The following SEC63 variants were observed in gnomAD, a reference collection of about 807,000 sequenced individuals.
The protein encoded by SEC63 is translocation protein SEC63 homolog.
Under a neutral mutation model 116.2 loss-of-function variants are expected in SEC63, and 56 were observed. The observed-to-expected ratio is 0.48, with a 90% CI of 0.39 to 0.60. SEC63 has a LOEUF of 0.60. SEC63 is among the 20% of genes least tolerant of loss of function. SEC63 has a pLI of 0.00. For synonymous variants in SEC63, 273 were observed against 294.6 expected (o/e 0.93, Z 0.75); for missense variants, 668 against 900.0 (o/e 0.74, Z 3.30).
At chr6:107,889,410 T>C (rs557521196) in intron 16 of SEC63, among the ~76,000 whole-genome samples, 3 of 152,316 alleles carry the variant, frequency 2.0e-5, no homozygotes, top group South Asian at 2.1e-4. Context: ...TGATGGTAGT[T>C]TGTATTTCTG....
intron 14 of SEC63, among the ~76,000 whole-genome samples, chr6:107,894,158 C>G (rs1221229444): frequency 1.3e-5 from 2 of 152,134 alleles, no homozygotes; most frequent in African/African-American, 4.8e-5. Context: ...AGGATACATA[C>G]AGTAAAAATA....
At position 107,875,331 on chromosome 6, in the gene SEC63, G is replaced by T. The variant is rs1309490709; in HGVS notation, c.2034+1233C>A. On this transcript the variant is annotated intron_variant, in intron 19 of 20. Coordinates refer to ENST00000369002, the MANE Select transcript of SEC63 (RefSeq NM_007214.5). ...TAACAGCTAAATGTAAACAACTGGT[G>T]AATACGGGTGGGGATCTAGGGAGGT... Among the ~76,000 whole-genome samples the T allele has an allele frequency of 2.6e-5, 4 of 152,188 alleles. No individual in the cohort carries two copies. The South Asian group carries it at 8.3e-4, about 31-fold the overall frequency.
At chr6:107,953,582 C>G (rs1395604713) in intron 1 of SEC63, among the ~76,000 whole-genome samples, 1 of 147,258 alleles carries the variant, frequency 6.8e-6, no homozygotes, top group Admixed American at 6.7e-5. Context: ...GGGGGTCAGC[C>G]CCCCGCCCGG....
chr6:107,868,986 A>C lies in SEC63; in HGVS notation c.*2718T>G, dbSNP rs968429923. The C allele has an allele frequency of 6.6e-6, 1 of 152,212 alleles. No individual in the cohort carries two copies. Among genetic ancestry groups the C allele is most frequent in the Non-Finnish European group, 1.5e-5 (1 of 68,040 alleles). The allele number at this position is 152,212 out of a possible 1,614,324, so 9.4% of individuals were successfully genotyped here. On this transcript the variant is annotated 3_prime_UTR_variant, in exon 21 of 21. Transcript: ENST00000369002. ...ACTTGTGGTCAAAAATAACATGCCT[A>C]GAGAGCCTCATTATATCTCTCCCTC...
At chr6:107,894,396 G>A (rs899550141) in intron 14 of SEC63, among the ~76,000 whole-genome samples, 1 of 152,130 alleles carries the variant, frequency 6.6e-6, no homozygotes, top group Non-Finnish European at 1.5e-5. Context: ...ATCACAGGTG[G>A]AGCATGGTGG....
chr6:107,913,688 A>G (rs946609059), intron 4 of SEC63, among the ~76,000 whole-genome samples: 2 of 152,182 alleles, frequency 1.3e-5, no homozygotes, highest in African/African-American at 4.8e-5. Flanking sequence ...CTCATGTTCA[A>G]CCAGATGGTT....
At chr6:107,900,107 T>C (rs955338919) in intron 13 of SEC63, among the ~76,000 whole-genome samples, 4 of 152,126 alleles carry the variant, frequency 2.6e-5, no homozygotes, top group Non-Finnish European at 4.4e-5. Flanking sequence ...AAATAAATGG[T>C]ACAATGTCTG....
In SEC63 at chr6:107,955,882, CTAAATAAATAAA is replaced by C. The variant is rs150788370; in HGVS notation, c.124+1992_124+2003del. Reference sequence around the variant, plus strand: ...TGGGCAACAGAGTGAGACTCTGTCTCTAAATAAATAAATAAATAAATAAATAAATAAATAGTA... The same window carrying C: ...TGGGCAACAGAGTGAGACTCTGTCTCTAAATAAATAAATAAATAAATAGTA... On this transcript the variant is annotated intron_variant, in intron 1 of 20. Transcript: ENST00000369002. 4.7e-5 allele frequency: 10 copies of C among 214,690 alleles called. 1 individual carries two copies. The highest frequency in any genetic ancestry group is 5.9e-5 in the South Asian group (1 of 16,998). 13.3% of individuals were successfully genotyped at this position (214,690 alleles called of 1,614,324 possible). A position where few individuals can be genotyped will look rare whatever the true frequency, so the allele number is the denominator to read the frequency against.
rs1770752816 is a variant in SEC63, at chr6:107,958,138, C to G, written c.-129G>C. ...CCGCCGCCGCCTCTCCTCCCCGCCCCCACGCCACTCTCACGGACACGCCGC... is the reference window on the plus strand; with the variant it reads ...CCGCCGCCGCCTCTCCTCCCCGCCCGCACGCCACTCTCACGGACACGCCGC... On this transcript the variant is annotated 5_prime_UTR_variant, in exon 1 of 21. Transcript: ENST00000369002. The G allele has an allele frequency of 7.0e-7, 1 of 1,427,006 alleles. No homozygotes were observed. 88.4% of individuals were successfully genotyped at this position (1,427,006 alleles called of 1,614,324 possible).
At chr6:107,903,495 G>A (rs966150910) in intron 11 of SEC63, among the ~76,000 whole-genome samples, 2 of 152,094 alleles carry the variant, frequency 1.3e-5, no homozygotes, top group Admixed American at 1.3e-4. Flanking sequence ...AAAGCCAGGA[G>A]TTGGAAACCA....
Position 107,913,774 on chromosome 6 carries a change from T to C in SEC63, c.453-347A>G, listed in dbSNP as rs751376517. On this transcript the variant is annotated intron_variant, in intron 4 of 20. Transcript: ENST00000369002. Reference sequence around the variant, plus strand: ...CAGGGAGAATTGTAGGCGATTTTTTTCCCCTTATACTCTCATATATTTTCC... The same window carrying C: ...CAGGGAGAATTGTAGGCGATTTTTTCCCCCTTATACTCTCATATATTTTCC... Among the ~76,000 whole-genome samples, 311 of 152,308 alleles carry C rather than the reference T, an allele frequency of 2.0e-3. 2 individuals carry two copies. The highest frequency in any genetic ancestry group is 3.6e-3 in the Non-Finnish European group (245 of 68,024).
At chr6:107,904,034 C>G (rs1787075125) in intron 11 of SEC63, among the ~76,000 whole-genome samples, 1 of 150,856 alleles carries the variant, frequency 6.6e-6, no homozygotes, top group African/African-American at 2.4e-5. Flanking sequence ...AGGAGAATCA[C>G]TTGACCCTGG....
At chr6:107,919,744 C>A (rs1787505603) in intron 4 of SEC63, among the ~76,000 whole-genome samples, 2 of 151,794 alleles carry the variant, frequency 1.3e-5, no homozygotes, top group Non-Finnish European at 2.9e-5. Context: ...ATGGCGTGAA[C>A]CCGGGAGGCG....
chr6:107,941,415 G>A (rs1489809272), intron 1 of SEC63, among the ~76,000 whole-genome samples: 1 of 151,696 alleles, frequency 6.6e-6, no homozygotes. Flanking sequence ...AGAGGAATCA[G>A]CTCCTTGAGC....
intron 1 of SEC63, among the ~76,000 whole-genome samples, chr6:107,953,144 T>C (rs994936609): frequency 2.0e-5 from 3 of 152,080 alleles, no homozygotes; most frequent in Admixed American, 6.5e-5. Context: ...CCAGTTTTCC[T>C]AGCTACTCAG....
chr6:107,897,304 A>G (rs1446748529), intron 14 of SEC63, among the ~76,000 whole-genome samples: 1 of 152,252 alleles, frequency 6.6e-6, no homozygotes, highest in Non-Finnish European at 1.5e-5. Flanking sequence ...GAAAAATAAA[A>G]GTCAATTCTC....
At chr6:107,950,799 A>C (rs1451017780) in intron 1 of SEC63, among the ~76,000 whole-genome samples, 4 of 152,274 alleles carry the variant, frequency 2.6e-5, no homozygotes, top group African/African-American at 9.6e-5. Flanking sequence ...TCAAGGAGTC[A>C]ACAAAAACTT....
At chr6:107,885,891 G>T (rs1325260861) in intron 16 of SEC63, among the ~76,000 whole-genome samples, 1 of 151,790 alleles carries the variant, frequency 6.6e-6, no homozygotes, top group East Asian at 1.9e-4. Context: ...AAAGTTCTGG[G>T]GTACATGTGC....
chr6:107,945,948 A>T (rs1438951905), intron 1 of SEC63, among the ~76,000 whole-genome samples: 2 of 151,438 alleles, frequency 1.3e-5, no homozygotes, highest in African/African-American at 2.4e-5. Flanking sequence ...TTATTTATTT[A>T]TTTTTTGAGA....
Sources: allele counts gnomAD v4.1 joint callset (sites outside exome capture counted in the v4.1 genomes callset), GRCh38; gene constraint gnomAD v4.1.1; transcripts MANE v1.5; gene names NCBI Gene and HGNC (gene_info 2026-07-23, HGNC 2026-07-21).